Variants in ADH1B observed in about 807,000 individuals in gnomAD.
ADH1B encodes all-trans-retinol dehydrogenase [NAD(+)] ADH1B.
ADH1B carries 29 observed loss-of-function variants against 34.6 expected under a neutral mutation model. The ratio of observed to expected loss-of-function variants is 0.84; its 90% confidence interval spans 0.62 to 1.14. ADH1B has a LOEUF of 1.14. Among genes scored for constraint, ADH1B ranks in the 50% most tolerant of loss-of-function variants. The pLI is 0.00. For missense variants in ADH1B, 424 were observed against 468.4 expected, an observed-to-expected ratio of 0.91 and a Z score of 0.87; for synonymous variants, 170 against 175.5, an observed-to-expected ratio of 0.97 and a Z score of 0.25.
intron 6 of ADH1B, 182 bp downstream of exon 6, chr4:99,313,639 G>A (rs1346135565): frequency 5.2e-6 from 6 of 1,145,794 alleles, no homozygotes; most frequent in South Asian, 1.6e-5. Flanking sequence ...ACAGGTTTGG[G>A]TAATTGATGG....
chr4:99,308,050 CT>C (rs991013423), intron 8 of ADH1B, among the ~76,000 whole-genome samples, 186 bp from the exon 9 acceptor site: 3 of 151,974 alleles, frequency 2.0e-5, no homozygotes, highest in African/African-American at 7.3e-5. Flanking sequence ...CTTTTCTTTT[CT>C]TTTTTTCTCC....
intron 1 of ADH1B, chr4:99,320,705 G>T: frequency 1.3e-6 from 1 of 751,858 alleles, no homozygotes; most frequent in Non-Finnish European, 1.7e-6. Flanking sequence ...GGAAGATACT[G>T]TTCCATAGGA....
At position 99,318,812 on chromosome 4, in the gene ADH1B, AG is replaced by A. The variant is rs1733951034; in HGVS notation, c.92del (p.Pro31LeufsTer14). 1.2e-6 allele frequency: 2 copies of A among 1,613,722 alleles called. No individual in the cohort carries two copies. The highest frequency in any genetic ancestry group is 1.7e-6 in the Non-Finnish European group (2 of 1,179,846). ...TAATGCGAACTTCATAAGCCTTAGG[AG>A]GTGCAACCTCCACATCCTCAATGGA... ...PFSIEDVEVA[P>X]PKAYEVRIKM... On this transcript the variant is annotated frameshift_variant, in exon 2 of 9. Transcript: ENST00000305046. LOFTEE classifies it high-confidence loss of function.
At chr4:99,317,989 A>C in intron 3 of ADH1B, 57 bp downstream of exon 3, 2 of 1,601,454 alleles carry the variant, frequency 1.2e-6, no homozygotes, top group Non-Finnish European at 1.7e-6. Flanking sequence ...TTCCTTATCC[A>C]GGCTGGGAAA....
Position 99,317,854 on chromosome 4 carries a change from C to G in ADH1B, c.259+192G>C, listed in dbSNP as rs533995136. On this transcript the variant is annotated intron_variant, in intron 3 of 8. Transcript: ENST00000305046. Reference sequence around the variant, plus strand: ...CTCGGTACATAATGGTTGAAGGGTACAATACATGAGTGCCTGAATGCATAC... The same window carrying G: ...CTCGGTACATAATGGTTGAAGGGTAGAATACATGAGTGCCTGAATGCATAC... 1.2e-4 allele frequency: 103 copies of G among 844,450 alleles called. 2 individuals carry two copies. Among genetic ancestry groups the G allele is most frequent in the South Asian group, 2.3e-4 (13 of 55,818 alleles). 52.3% of individuals were successfully genotyped at this position (844,450 alleles called of 1,614,324 possible). A position where few individuals can be genotyped will look rare whatever the true frequency, so the allele number is the denominator to read the frequency against.
intron 3 of ADH1B, chr4:99,316,664 G>A (rs12498658): frequency 0.41 from 66,694 of 161,824 alleles, 14,639 homozygotes; most frequent in Admixed American, 0.5. Context: ...CTTACTATAA[G>A]TATAAATATA....
At chr4:99,321,256 C>T (rs28913906) in intron 1 of ADH1B, 58 bp downstream of exon 1, 2 of 1,424,614 alleles carry the variant, frequency 1.4e-6, no homozygotes, top group Admixed American at 3.4e-5. Flanking sequence ...ATACTGTATT[C>T]CTTTCTTTGT....
At chr4:99,310,925 T>C (rs1379421144) in intron 7 of ADH1B, 22 bp from the exon 8 acceptor site, 2 of 1,608,336 alleles carry the variant, frequency 1.2e-6, no homozygotes, top group Non-Finnish European at 1.7e-6. Flanking sequence ...ACAGTATCAT[T>C]GTTGGATTCA....
At chr4:99,320,298 T>C (rs1423872661) in intron 1 of ADH1B, 1 of 152,266 alleles carries the variant, frequency 6.6e-6, no homozygotes, top group Admixed American at 6.5e-5. Flanking sequence ...ACATTGGATA[T>C]TTGGTGTTCC....
At chr4:99,313,384 C>T (rs1426588854) in intron 6 of ADH1B, 1 of 178,014 alleles carries the variant, frequency 5.6e-6, no homozygotes, top group Admixed American at 5.7e-5. Flanking sequence ...TTGCTCATTT[C>T]CTTTGGCCAA....
rs374931248 is a variant in ADH1B, at chr4:99,310,858, A to G, written c.1010T>C (p.Met337Thr). The change falls in exon 8 of 9, where the codon ATG becomes ACG. Residue 337 changes from methionine to threonine, a missense_variant. By Grantham distance (81) the Met-to-Thr change is moderately conservative. Transcript: ENST00000305046. Reference protein sequence around the residue: ...EGIPKLVADFMAKKFSLDALI... With the variant: ...EGIPKLVADFTAKKFSLDALI... ...CGCATCCAGTGAAAACTTCTTAGCCATAAAATCAGCCACAAGTTTTGGGAT... is the reference window on the plus strand; with the variant it reads ...CGCATCCAGTGAAAACTTCTTAGCCGTAAAATCAGCCACAAGTTTTGGGAT... 1 of 1,613,480 alleles carries G rather than the reference A, an allele frequency of 6.2e-7. No individual in the cohort carries two copies. The highest frequency in any genetic ancestry group is 8.5e-7 in the Non-Finnish European group (1 of 1,179,742).
chr4:99,312,940 C>A (rs1733788263), intron 6 of ADH1B, among the ~76,000 whole-genome samples: 1 of 152,112 alleles, frequency 6.6e-6, no homozygotes. Flanking sequence ...CATGCGTTGT[C>A]TCATGTAATC....
At chr4:99,319,038 A>ACTTTTATTCTCTTT in intron 1 of ADH1B, 152 bp from the exon 2 acceptor site, 3 of 867,536 alleles carry the variant, frequency 3.5e-6, no homozygotes, top group Non-Finnish European at 6.0e-6. Flanking sequence ...TTATAAAGAG[A>ACTTTTATTCTCTTT]ATAAAAGTAT....
rs753732945 is a variant in ADH1B at position 99,314,067 on chromosome 4, A to G, written c.582T>C (p.Ser194=). ...CTCCCAGGCCAAACACAGCACAGGT[A>G]GAGCCTGGGGTGACCTGTGTTTTCA... ...AVNVAKVTPG[S]TCAVFGLGGV... is the part of the protein sequence containing the mutation. Residue 194 remains serine, a synonymous_variant, in exon 6 of 9, where the codon TCT becomes TCC. Transcript: ENST00000305046. 6.2e-7 allele frequency: 1 copy of G among 1,614,232 alleles called. No individual in the cohort carries two copies. Among genetic ancestry groups the G allele is most frequent in the Admixed American group, 1.7e-5 (1 of 60,026 alleles).
chr4:99,317,977 G>A (rs1223408819), intron 3 of ADH1B, 69 bp downstream of exon 3: 18 of 1,591,434 alleles, frequency 1.1e-5, no homozygotes, highest in Non-Finnish European at 1.5e-5. Flanking sequence ...CATTGCCTTG[G>A]TTTCCTTATC....
rs748508954 is a variant in ADH1B, at chr4:99,315,910, A to G, written c.555T>C (p.Val185=). 2.5e-5 allele frequency: 41 copies of G among 1,614,052 alleles called. No individual in the cohort carries two copies. In the African/African-American group the frequency reaches 4.9e-4, roughly 19 times the overall value. ...TTGTCATTCTCACCTTGGCAACGTTAACTGCAGACCCATAACCAGTCGAGA... is the reference window on the plus strand; with the variant it reads ...TTGTCATTCTCACCTTGGCAACGTTGACTGCAGACCCATAACCAGTCGAGA... ...CGFSTGYGSA[V]NVAKVTPGST... Residue 185 remains valine, a synonymous_variant, in exon 5 of 9, where the codon GTT becomes GTC. Coordinates refer to ENST00000305046, the MANE Select transcript of ADH1B (RefSeq NM_000668.6).
In ADH1B at chr4:99,305,574, T is replaced by C. The variant is rs1415649435; in HGVS notation, c.*2266A>G. On this transcript the variant is annotated 3_prime_UTR_variant, in exon 9 of 9. Coordinates refer to ENST00000305046, the MANE Select transcript of ADH1B (RefSeq NM_000668.6). ...TTGCCCCATAGTGTATATATATATATATATATATATATATATATATATATA... is the reference window on the plus strand; with the variant it reads ...TTGCCCCATAGTGTATATATATATACATATATATATATATATATATATATA... 1.8e-5 allele frequency: 1 copy of C among 55,624 alleles called. No homozygotes were observed. Among genetic ancestry groups the C allele is most frequent in the African/African-American group, 5.2e-5 (1 of 19,316 alleles). 3.4% of individuals were successfully genotyped at this position (55,624 alleles called of 1,614,324 possible).
In ADH1B at chr4:99,311,665, A is replaced by G; in HGVS notation, c.829-9T>C. On this transcript the variant is annotated splice_polypyrimidine_tract_variant and intron_variant, in intron 6 of 8. Coordinates refer to ENST00000305046, the MANE Select transcript of ADH1B (RefSeq NM_000668.6). ...CATAACAGGGAAGCCATCTGGAATA[A>G]AGTGAATATTTAGCATCCTTAACGT... 6.2e-7 allele frequency: 1 copy of G among 1,613,366 alleles called. No individual in the cohort carries two copies. Among genetic ancestry groups the G allele is most frequent in the Non-Finnish European group, 8.5e-7 (1 of 1,179,682 alleles).
At chr4:99,318,295 A>G (rs1237533264) in intron 2 of ADH1B, 111 bp from the exon 3 acceptor site, 3 of 1,342,642 alleles carry the variant, frequency 2.2e-6, no homozygotes, top group Non-Finnish European at 3.2e-6. Flanking sequence ...GGGTTTTGCT[A>G]CTAATCCCTA....
Sources: allele counts gnomAD v4.1 joint callset (sites outside exome capture counted in the v4.1 genomes callset), GRCh38; gene constraint gnomAD v4.1.1; transcripts MANE v1.5; gene names NCBI Gene and HGNC (gene_info 2026-07-23, HGNC 2026-07-21).